Variants in RYR3 observed in about 807,000 individuals in gnomAD.
RYR3 encodes the protein brain ryanodine receptor-calcium release channel.
In RYR3, 207 loss-of-function variants were observed where a neutral mutation model predicts 584.3. That is an observed-to-expected ratio of 0.35 (90% CI 0.32 to 0.40). The LOEUF is 0.40. RYR3 is among the 10% of genes least tolerant of loss of function. The probability of loss-of-function intolerance (pLI) is 1.00; values close to 1 mark genes in which losing one functional copy is unlikely to be tolerated. For missense variants in RYR3, 5,616 were observed against 6,089.2 expected (o/e 0.92, Z 2.59); for synonymous variants, 2,416 against 2,248.5 (o/e 1.07, Z -2.11).
intron 27 of RYR3, among the ~76,000 whole-genome samples, chr15:33,640,880 A>G (rs1386558956): frequency 6.6e-6 from 1 of 152,026 alleles, no homozygotes; most frequent in African/African-American, 2.4e-5. Context: ...CTCTTATTAT[A>G]TTTTCTTCTT....
intron 27 of RYR3, among the ~76,000 whole-genome samples, chr15:33,641,847 G>A (rs1352165439): frequency 6.6e-6 from 1 of 152,134 alleles, no homozygotes; most frequent in Non-Finnish European, 1.5e-5. Context: ...GCCCCACAGG[G>A]ACAACACTTT....
At chr15:33,561,593 A>G (rs1272792263) in intron 10 of RYR3, among the ~76,000 whole-genome samples, 1 of 152,182 alleles carries the variant, frequency 6.6e-6, no homozygotes, top group East Asian at 1.9e-4. Context: ...GACGCAATAC[A>G]TATGCTGCTA....
chr15:33,724,616 T>C (rs1352646783), intron 45 of RYR3, among the ~76,000 whole-genome samples: 1 of 152,174 alleles, frequency 6.6e-6, no homozygotes, highest in Non-Finnish European at 1.5e-5. Context: ...GAGGTAGAGT[T>C]TGCAAACATC....
chr15:33,667,844 A>G (rs1403451438), intron 36 of RYR3, among the ~76,000 whole-genome samples: 2 of 152,082 alleles, frequency 1.3e-5, no homozygotes, highest in South Asian at 2.1e-4. Context: ...CAGGTGGATC[A>G]CAAGGTCAGG....
chr15:33,848,362 C>T lies in RYR3; in HGVS notation c.13569C>T (p.Thr4523=), dbSNP rs759709172. 63 of 1,613,600 alleles carry T rather than the reference C, an allele frequency of 3.9e-5. No individual in the cohort carries two copies. The highest frequency in any genetic ancestry group is 2.0e-4 in the East Asian group (9 of 44,892). ...RKLEFDGLYI[T]EQPSEDDIKG... ...TGGAGTTTGATGGCCTATATATCAC[C>T]GAACAGCCATCTGAAGATGACATCA... Residue 4523 remains threonine (T), a synonymous_variant, in exon 94 of 104, where the codon ACC becomes ACT. Coordinates refer to ENST00000634891, the MANE Select transcript of RYR3 (RefSeq NM_001036.6).
intron 38 of RYR3, among the ~76,000 whole-genome samples, chr15:33,687,936 G>A (rs1451887072): frequency 6.6e-6 from 1 of 152,164 alleles, no homozygotes; most frequent in African/African-American, 2.4e-5. Flanking sequence ...AGACTTAAAT[G>A]TTAGACCTAA....
At chr15:33,700,919 C>T in intron 41 of RYR3, 58 bp from the exon 42 acceptor site, 1 of 1,282,330 alleles carries the variant, frequency 7.8e-7, no homozygotes, top group South Asian at 1.3e-5. Flanking sequence ...GCAGTCTCAG[C>T]TCAGCACTGA....
At chr15:33,708,548 A>G (rs1250513121) in intron 43 of RYR3, among the ~76,000 whole-genome samples, 1 of 152,174 alleles carries the variant, frequency 6.6e-6, no homozygotes, top group Non-Finnish European at 1.5e-5. Flanking sequence ...GTTATTTTAT[A>G]TCTTTTCAAT....
In RYR3 at chr15:33,819,629, G is replaced by A. The variant is rs577196090; in HGVS notation, c.10707-127G>A. ...GCGGAGGTTGCAGTGAGCCGAGATC[G>A]CGTCATTGCACTCCAGCCTAGGGGA... On this transcript the variant is annotated intron_variant, in intron 76 of 103. Transcript: ENST00000634891. The A allele has an allele frequency of 3.6e-4, 173 of 476,658 alleles. 4 individuals are homozygous for A. In the South Asian group the frequency reaches 8.1e-3, roughly 22 times the overall value. 29.5% of individuals were successfully genotyped at this position (476,658 alleles called of 1,614,324 possible).
At chr15:33,623,758 G>A (rs1315903623) in intron 19 of RYR3, 49 bp from the exon 20 acceptor site, 4 of 1,309,578 alleles carry the variant, frequency 3.1e-6, no homozygotes, top group Non-Finnish European at 4.3e-6. Context: ...TATTTGGGCT[G>A]CATTGTTTTT....
chr15:33,513,945 ATTGTAC>A (rs1352404146), intron 3 of RYR3, among the ~76,000 whole-genome samples: 1 of 152,178 alleles, frequency 6.6e-6, no homozygotes, highest in Non-Finnish European at 1.5e-5. Context: ...TGTGGTTGAA[ATTGTAC>A]TTGTTCTTGA....
intron 19 of RYR3, among the ~76,000 whole-genome samples, chr15:33,617,951 A>G (rs1021034073): frequency 5.3e-5 from 8 of 152,186 alleles, no homozygotes; most frequent in African/African-American, 1.9e-4. Context: ...TTGTTAGTGC[A>G]GTAGGCCCCC....
rs1338995922 is a variant in RYR3 at position 33,660,305 on chromosome 15, C to T, written c.4504C>T (p.Arg1502Cys). Residue 1502 changes from arginine to cysteine, a missense_variant, in exon 34 of 104, where the codon CGC becomes TGC. Physicochemically the swap from Arg to Cys is radical, Grantham distance 180 (BLOSUM62 -3). Coordinates refer to ENST00000634891, the MANE Select transcript of RYR3 (RefSeq NM_001036.6). ...AACCATCCAGCCCGTGCTCTGGAGC[C>T]GCATGCCCAACAGCTTCCTGAAGGT... The part of the protein sequence containing the change: ...VQTIQPVLWS[R>C]MPNSFLKVET... The T allele has an allele frequency of 9.5e-6, 15 of 1,577,666 alleles. No homozygotes were observed. Among genetic ancestry groups the T allele is most frequent in the South Asian group, 2.3e-5 (2 of 85,546 alleles).
At chr15:33,612,181 G>A (rs1442816162) in intron 18 of RYR3, among the ~76,000 whole-genome samples, 5 of 152,194 alleles carry the variant, frequency 3.3e-5, no homozygotes, top group Non-Finnish European at 7.4e-5. Context: ...AGATGATATA[G>A]GAAAGCAGAG....
chr15:33,690,616 T>C (rs952881764), intron 38 of RYR3, among the ~76,000 whole-genome samples: 3 of 152,222 alleles, frequency 2.0e-5, no homozygotes, highest in Admixed American at 1.3e-4. Context: ...ATCAGAATCA[T>C]GCAGCCTAAT....
chr15:33,811,126 T>C (rs2076514831), intron 72 of RYR3, 89 bp downstream of exon 72: 1 of 1,068,144 alleles, frequency 9.4e-7, no homozygotes. Context: ...CTCATGCTTC[T>C]TATATGTGTT....
At chr15:33,601,293 G>C in intron 16 of RYR3, 126 bp from the exon 17 acceptor site, 2 of 897,236 alleles carry the variant, frequency 2.2e-6, no homozygotes, top group Non-Finnish European at 3.4e-6. Context: ...CCTTGGCTCT[G>C]AGCTGGCTCT....
intron 1 of RYR3, among the ~76,000 whole-genome samples, chr15:33,451,360 C>CTGAT: frequency 6.6e-6 from 1 of 152,222 alleles, no homozygotes; most frequent in East Asian, 1.9e-4. Flanking sequence ...TTAGCTTAGC[C>CTGAT]TGATAGAGGC....
chr15:33,487,977 T>C (rs978544317), intron 2 of RYR3, among the ~76,000 whole-genome samples: 3 of 152,218 alleles, frequency 2.0e-5, no homozygotes, highest in African/African-American at 7.2e-5. Flanking sequence ...AGAAATAGCA[T>C]AGAAGTCAAG....
Sources: allele counts gnomAD v4.1 joint callset (sites outside exome capture counted in the v4.1 genomes callset), GRCh38; gene constraint gnomAD v4.1.1; transcripts MANE v1.5; gene names NCBI Gene and HGNC (gene_info 2026-07-23, HGNC 2026-07-21).